The following FGD4 variants were observed in gnomAD, a reference collection of about 807,000 sequenced individuals.
The protein encoded by FGD4 is FYVE, RhoGEF and PH domain containing 4.
A neutral mutation model predicts 102.0 loss-of-function variants in FGD4; 42 were observed. That is an observed-to-expected ratio of 0.41 (90% CI 0.32 to 0.53). The LOEUF (loss-of-function observed/expected upper bound fraction) is 0.53, where lower values mean the gene tolerates loss of function less well. FGD4 is among the 20% of genes least tolerant of loss of function. The pLI, the probability that FGD4 is intolerant of heterozygous loss-of-function variation, is 0.21. For missense variants in FGD4, 902 were observed against 1,078.2 expected, an observed-to-expected ratio of 0.84 and a Z score of 2.29; for synonymous variants, 380 against 375.7, an observed-to-expected ratio of 1.01 and a Z score of -0.13.
chr12:32,556,372 T>C (rs1449486155), intron 1 of FGD4, among the ~76,000 whole-genome samples: 1 of 152,178 alleles, frequency 6.6e-6, no homozygotes, highest in Non-Finnish European at 1.5e-5. Flanking sequence ...CTCTTCATCT[T>C]GCAAAACTGA....
chr12:32,497,760 A>G (rs1203000317), intron 1 of FGD4, among the ~76,000 whole-genome samples: 1 of 152,226 alleles, frequency 6.6e-6, no homozygotes, highest in Non-Finnish European at 1.5e-5. Flanking sequence ...TACAATTGCC[A>G]TTTCAACTGG....
intron 1 of FGD4, chr12:32,534,226 A>C (rs1592137471): frequency 3.6e-5 from 39 of 1,080,646 alleles, no homozygotes; most frequent in Non-Finnish European, 4.6e-5. Flanking sequence ...ACTCCCTCTC[A>C]TGCAATGTAC....
At chr12:32,530,941 GTTTT>G (rs768536136) in intron 1 of FGD4, among the ~76,000 whole-genome samples, 2 of 70,466 alleles carry the variant, frequency 2.8e-5, no homozygotes, top group African/African-American at 6.9e-5. Flanking sequence ...CCTAGCTTTG[GTTTT>G]TTTTTTTTTT....
chr12:32,531,352 C>G (rs1320147821), intron 1 of FGD4, among the ~76,000 whole-genome samples: 2 of 152,014 alleles, frequency 1.3e-5, no homozygotes, highest in Non-Finnish European at 2.9e-5. Context: ...CTTTAGGGTA[C>G]AATTCTGAGT....
At position 32,642,537 on chromosome 12, in the gene FGD4, T is replaced by C. The variant is rs1024062043; in HGVS notation, c.*2004T>C. On this transcript the variant is annotated 3_prime_UTR_variant, in exon 17 of 17. Transcript: ENST00000534526. ...TTTTAAAAGCAAGAAGACTACACTT[T>C]CCCTACCAAAACAGAAGTAACATGG... 6.6e-6 allele frequency: 1 copy of C among 152,090 alleles called. No homozygotes were observed. Among genetic ancestry groups the C allele is most frequent in the Non-Finnish European group, 1.5e-5 (1 of 67,950 alleles). 9.4% of individuals were successfully genotyped at this position (152,090 alleles called of 1,614,324 possible).
chr12:32,474,416 G>C (rs918130443), intron 1 of FGD4, among the ~76,000 whole-genome samples: 6 of 152,128 alleles, frequency 3.9e-5, no homozygotes, highest in Non-Finnish European at 8.8e-5. Context: ...TTGGCTGTAC[G>C]AAAGAATAAA....
At chr12:32,589,176 A>G (rs973799130) in intron 4 of FGD4, among the ~76,000 whole-genome samples, 1 of 152,214 alleles carries the variant, frequency 6.6e-6, no homozygotes, top group East Asian at 1.9e-4. Flanking sequence ...TATAAAAGCT[A>G]TGTGTTTATT....
chr12:32,624,957 A>C lies in FGD4; in HGVS notation c.1954-19A>C, dbSNP rs377217198. 1.2e-6 allele frequency: 2 copies of C among 1,605,554 alleles called. No individual in the cohort carries two copies. Among genetic ancestry groups the C allele is most frequent in the East Asian group, 2.2e-5 (1 of 44,692 alleles). On this transcript the variant is annotated intron_variant, in intron 12 of 16. Coordinates refer to ENST00000534526, the MANE Select transcript of FGD4 (RefSeq NM_001370298.3). ...ATGAGAAACTTTAATGTGTGCTTTGAATTTTACTTATACTTTAGGCCCTTC... is the reference window on the plus strand; with the variant it reads ...ATGAGAAACTTTAATGTGTGCTTTGCATTTTACTTATACTTTAGGCCCTTC...
rs200937086 is a variant in FGD4, at chr12:32,619,455, T to C, written c.1750-243T>C. 2.0e-5 allele frequency among the ~76,000 whole-genome samples: 3 copies of C among 151,838 alleles called. No homozygotes were observed. In the East Asian group the frequency reaches 5.8e-4, roughly 29 times the overall value. On this transcript the variant is annotated intron_variant, in intron 10 of 16. Coordinates refer to ENST00000534526, the MANE Select transcript of FGD4 (RefSeq NM_001370298.3). ...CATCCTGGCTAACACAGTGAAACCCTGTCTCTACTAAAAATACAAAAAAAA... is the reference window on the plus strand; with the variant it reads ...CATCCTGGCTAACACAGTGAAACCCCGTCTCTACTAAAAATACAAAAAAAA...
At chr12:32,451,296 T>A (rs936391024) in intron 1 of FGD4, among the ~76,000 whole-genome samples, 1 of 152,206 alleles carries the variant, frequency 6.6e-6, no homozygotes, top group Non-Finnish European at 1.5e-5. Context: ...CGTGATATGT[T>A]ACATAAATGT....
At chr12:32,549,728 G>A (rs1235084084) in intron 1 of FGD4, among the ~76,000 whole-genome samples, 1 of 152,218 alleles carries the variant, frequency 6.6e-6, no homozygotes, top group Non-Finnish European at 1.5e-5. Context: ...GCCAGTGAAT[G>A]TCAAGGCAGA....
At chr12:32,527,569 A>G (rs1182433931) in intron 1 of FGD4, among the ~76,000 whole-genome samples, 1 of 152,068 alleles carries the variant, frequency 6.6e-6, no homozygotes, top group Non-Finnish European at 1.5e-5. Context: ...AGCTGGGACT[A>G]TAGGCACGTG....
chr12:32,517,417 G>A lies in FGD4; in HGVS notation c.167-46720G>A, dbSNP rs183087219. 1.2e-4 allele frequency among the ~76,000 whole-genome samples: 18 copies of A among 152,142 alleles called. No individual in the cohort carries two copies. In the East Asian group the frequency reaches 2.9e-3, roughly 24 times the overall value. On this transcript the variant is annotated intron_variant, in intron 1 of 16. Coordinates refer to ENST00000534526, the MANE Select transcript of FGD4 (RefSeq NM_001370298.3). ...TCTGGTCAAAGTCTAAAAAAAAATT[G>A]TGTCTTTATTATATGGAGATTAATT...
intron 1 of FGD4, among the ~76,000 whole-genome samples, chr12:32,469,818 C>T (rs1178357072): frequency 6.6e-6 from 1 of 151,810 alleles, no homozygotes; most frequent in Admixed American, 6.6e-5. Context: ...CGGCACCATG[C>T]CTGGCTAATT....
chr12:32,486,167 A>G, intron 1 of FGD4: 1 of 1,521,926 alleles, frequency 6.6e-7, no homozygotes, highest in South Asian at 1.2e-5. Flanking sequence ...TGCAATTGCC[A>G]TTTCTGAAAT....
chr12:32,590,090 C>T (rs1042179021), intron 4 of FGD4, among the ~76,000 whole-genome samples: 1 of 151,952 alleles, frequency 6.6e-6, no homozygotes, highest in African/African-American at 2.4e-5. Context: ...GGTGGATCAC[C>T]TGAGGTCAGG....
intron 1 of FGD4, among the ~76,000 whole-genome samples, chr12:32,480,778 C>T (rs1294047768): frequency 1.4e-5 from 2 of 147,956 alleles, no homozygotes; most frequent in South Asian, 2.2e-4. Flanking sequence ...GGATTACAGG[C>T]GTGAGCCACC....
At position 32,451,324 on chromosome 12, in the gene FGD4, A is replaced by T. The variant is rs185673011; in HGVS notation, c.166+51365A>T. On this transcript the variant is annotated intron_variant, in intron 1 of 16. Coordinates refer to ENST00000534526, the MANE Select transcript of FGD4 (RefSeq NM_001370298.3). ...ATAAATGTTATATGTAGTACTTTTT[A>T]AGGTATAAGTAGTAAAGCCATATGT... 5.7e-3 allele frequency among the ~76,000 whole-genome samples: 867 copies of T among 152,276 alleles called. 9 individuals carry two copies. Among genetic ancestry groups the T allele is most frequent in the African/African-American group, 0.019 (797 of 41,550 alleles).
intron 1 of FGD4, among the ~76,000 whole-genome samples, chr12:32,532,959 T>G (rs1417051604): frequency 6.6e-6 from 1 of 152,232 alleles, no homozygotes; most frequent in Admixed American, 6.5e-5. Flanking sequence ...TGACAACCTT[T>G]GTGTCCTGAT....
Sources: gnomAD v4.1 joint callset for allele counts (sites outside exome capture counted in the v4.1 genomes callset) on GRCh38, gnomAD v4.1.1 for gene constraint, MANE v1.5 for transcripts, NCBI Gene and HGNC (gene_info 2026-07-23, HGNC 2026-07-21) for gene names.